The following THSD4 variants were observed in gnomAD, a reference collection of about 807,000 sequenced individuals.
The protein encoded by THSD4 is thrombospondin type-1 domain-containing protein 4.
Under a neutral mutation model 119.0 loss-of-function variants are expected in THSD4, and 69 were observed. The ratio of observed to expected loss-of-function variants is 0.58; its 90% CI spans 0.48 to 0.71. THSD4 has a LOEUF of 0.71. Among genes scored for constraint, THSD4 ranks in the 30% least tolerant of loss-of-function variants. The pLI, the probability that THSD4 is intolerant of heterozygous loss-of-function variation, is 0.00. For missense variants in THSD4, 1,393 were observed against 1,391.1 expected (o/e 1.00, Z -0.02); for synonymous variants, 524 against 540.4 (o/e 0.97, Z 0.42).
chr15:71,186,019 A>G (rs1049682380), intron 3 of THSD4: 66 of 152,324 alleles, frequency 4.3e-4, no homozygotes, highest in African/African-American at 1.6e-3. Flanking sequence ...CACATTATCT[A>G]TTTTTTAATC....
At chr15:71,483,239 C>T (rs1405602513) in intron 7 of THSD4, among the ~76,000 whole-genome samples, 1 of 152,192 alleles carries the variant, frequency 6.6e-6, no homozygotes, top group East Asian at 1.9e-4. Flanking sequence ...ACTGATTACG[C>T]AGTCACAGTC....
intron 7 of THSD4, among the ~76,000 whole-genome samples, chr15:71,608,373 A>G (rs2140906228): frequency 6.6e-6 from 1 of 152,140 alleles, no homozygotes; most frequent in East Asian, 1.9e-4. Flanking sequence ...TGGATTATAT[A>G]AATTCTCTAC....
At chr15:71,147,473 T>C (rs2040674348) in intron 2 of THSD4, among the ~76,000 whole-genome samples, 1 of 152,198 alleles carries the variant, frequency 6.6e-6, no homozygotes, top group South Asian at 2.1e-4. Flanking sequence ...TGATATTTCC[T>C]CCCTCCTCTC....
At chr15:71,100,782 C>T (rs1336943696) in intron 1 of THSD4, among the ~76,000 whole-genome samples, 1 of 152,050 alleles carries the variant, frequency 6.6e-6, no homozygotes, top group Non-Finnish European at 1.5e-5. Context: ...GAGTTTGAGA[C>T]CAGCCTGGGC....
intron 6 of THSD4, among the ~76,000 whole-genome samples, chr15:71,367,139 G>A (rs1407906332): frequency 1.3e-5 from 2 of 151,732 alleles, no homozygotes; most frequent in African/African-American, 4.8e-5. Context: ...AACCCATTGT[G>A]TTATAACACC....
intron 4 of THSD4, among the ~76,000 whole-genome samples, chr15:71,218,313 C>T (rs1475853744): frequency 6.6e-6 from 1 of 152,188 alleles, no homozygotes; most frequent in Admixed American, 6.5e-5. Flanking sequence ...ACTCATCCTC[C>T]TGCGGGTGCC....
chr15:71,242,598 A>G lies in THSD4; in HGVS notation c.465-51A>G, dbSNP rs371359619. On this transcript the variant is annotated intron_variant, in intron 4 of 17. Transcript: ENST00000261862. ...CACGGACCAGAGCTTCTGAGTTAAC[A>G]TGAAATTCATCCGACTCTGATCATC... 2.0e-5 allele frequency: 32 copies of G among 1,575,308 alleles called. No individual in the cohort carries two copies. In the African/African-American group the frequency reaches 2.2e-4, roughly 11 times the overall value.
At chr15:71,253,352 A>G (rs573477556) in intron 5 of THSD4, among the ~76,000 whole-genome samples, 15 of 152,180 alleles carry the variant, frequency 9.9e-5, no homozygotes, top group Non-Finnish European at 2.1e-4. Flanking sequence ...AACTGCAAAG[A>G]TGTGCAAAGT....
At chr15:71,587,774 A>T (rs1056873675) in intron 7 of THSD4, among the ~76,000 whole-genome samples, 1 of 24,820 alleles carries the variant, frequency 4.0e-5, no homozygotes, top group African/African-American at 1.0e-4. Context: ...AGAGTATAAT[A>T]AAAAAAAAAA....
At chr15:71,740,217 T>G (rs2053208886) in intron 11 of THSD4, among the ~76,000 whole-genome samples, 1 of 152,236 alleles carries the variant, frequency 6.6e-6, no homozygotes, top group South Asian at 2.1e-4. Context: ...ATATAAAATA[T>G]GTCTTGACAG....
chr15:71,299,976 A>AAAAAATATATATATATATATATATAT (rs1555462049), intron 6 of THSD4, among the ~76,000 whole-genome samples: 2 of 48,320 alleles, frequency 4.1e-5, no homozygotes, highest in African/African-American at 1.5e-4. Context: ...AAAAAAAAAA[A>AAAAAATATATATATATATATATATAT]ATATATATAT....
chr15:71,590,107 G>A (rs1271384254), intron 7 of THSD4, among the ~76,000 whole-genome samples: 1 of 139,292 alleles, frequency 7.2e-6, no homozygotes, highest in Non-Finnish European at 1.6e-5. Flanking sequence ...ATGAAGGAGA[G>A]AGGGGAATGG....
At chr15:71,312,144 G>C (rs2045119145) in intron 6 of THSD4, among the ~76,000 whole-genome samples, 1 of 152,158 alleles carries the variant, frequency 6.6e-6, no homozygotes, top group African/African-American at 2.4e-5. Context: ...CTAGCTTCCA[G>C]TACCTCAGAT....
intron 16 of THSD4, among the ~76,000 whole-genome samples, chr15:71,770,807 G>A (rs149484905): frequency 6.6e-6 from 1 of 152,312 alleles, no homozygotes; most frequent in Non-Finnish European, 1.5e-5. Flanking sequence ...GCTACAGCCT[G>A]AAGTATATGG....
chr15:71,352,818 G>A (rs898949722), intron 6 of THSD4, among the ~76,000 whole-genome samples: 27 of 152,324 alleles, frequency 1.8e-4, no homozygotes, highest in African/African-American at 6.3e-4. Flanking sequence ...ATTGGGAGGG[G>A]ATAGAGGAAA....
chr15:71,386,229 A>T (rs2046291724), intron 6 of THSD4, among the ~76,000 whole-genome samples: 1 of 152,160 alleles, frequency 6.6e-6, no homozygotes, highest in South Asian at 2.1e-4. Flanking sequence ...CAAAGACAAA[A>T]CAGGCAGCTA....
intron 7 of THSD4, among the ~76,000 whole-genome samples, chr15:71,517,549 G>C (rs1371826346): frequency 6.6e-6 from 1 of 152,136 alleles, no homozygotes; most frequent in Non-Finnish European, 1.5e-5. Context: ...TCAGGCCAAA[G>C]GACATTCTCA....
intron 7 of THSD4, among the ~76,000 whole-genome samples, chr15:71,528,848 C>T (rs2048567240): frequency 6.6e-6 from 1 of 152,200 alleles, no homozygotes; most frequent in Non-Finnish European, 1.5e-5. Context: ...AAGAGTAAGT[C>T]TGAGCTATCC....
At chr15:71,287,218 G>A (rs1033639065) in intron 6 of THSD4, among the ~76,000 whole-genome samples, 12 of 152,276 alleles carry the variant, frequency 7.9e-5, no homozygotes, top group African/African-American at 2.4e-4. Context: ...TAGACTTTTG[G>A]GTGGCTTAGT....
Sources: gnomAD v4.1 joint callset for allele counts (sites outside exome capture counted in the v4.1 genomes callset) on GRCh38, gnomAD v4.1.1 for gene constraint, MANE v1.5 for transcripts, NCBI Gene and HGNC (gene_info 2026-07-23, HGNC 2026-07-21) for gene names.